Variants in SORCS3 observed in about 807,000 individuals in gnomAD.
SORCS3 encodes VPS10 domain-containing receptor SorCS3.
In SORCS3, 57 loss-of-function variants were observed where a neutral mutation model predicts 146.3. The observed-to-expected ratio is 0.39, with a 90% CI of 0.31 to 0.49. SORCS3 has a LOEUF of 0.49. Among genes scored for constraint, SORCS3 ranks in the 20% least tolerant of loss-of-function variants. The pLI is 0.92. For synonymous variants in SORCS3, 653 were observed against 618.5 expected (o/e 1.06, Z -0.83); for missense variants, 1,341 against 1,575.5 (o/e 0.85, Z 2.52).
At chr10:105,237,578 C>A (rs955980837) in intron 20 of SORCS3, among the ~76,000 whole-genome samples, 1 of 152,162 alleles carries the variant, frequency 6.6e-6, no homozygotes, top group Admixed American at 6.5e-5. Context: ...ATGCCAGAAA[C>A]ACATCAAGAT....
At chr10:104,644,684 G>A (rs1049268355) in intron 1 of SORCS3, among the ~76,000 whole-genome samples, 1 of 152,186 alleles carries the variant, frequency 6.6e-6, no homozygotes, top group African/African-American at 2.4e-5. Flanking sequence ...CGTGGAAAGA[G>A]AATTTTATCT....
chr10:105,217,793 T>C (rs2056674126), intron 19 of SORCS3: 4 of 454,074 alleles, frequency 8.8e-6, no homozygotes, highest in South Asian at 4.7e-5. Flanking sequence ...GTGTATTTTC[T>C]ATTCTAGAAT....
At chr10:104,792,339 C>G (rs1396313047) in intron 1 of SORCS3, among the ~76,000 whole-genome samples, 1 of 152,162 alleles carries the variant, frequency 6.6e-6, no homozygotes, top group Non-Finnish European at 1.5e-5. Flanking sequence ...CCACACTAAC[C>G]TGGCTCACTG....
At chr10:104,815,732 G>A (rs919054150) in intron 1 of SORCS3, among the ~76,000 whole-genome samples, 4 of 152,010 alleles carry the variant, frequency 2.6e-5, no homozygotes, top group Admixed American at 2.0e-4. Context: ...TTTTCATGAT[G>A]CATTTAACTT....
chr10:104,972,928 C>G lies in SORCS3; in HGVS notation c.796-4407C>G, dbSNP rs569296127. ...AAGGGTTGTTGAATTTTGTCAAAGG[C>G]CTTTTCTGCATCTATTGAGATAATC... On this transcript the variant is annotated intron_variant, in intron 3 of 26. Transcript: ENST00000369701. Among the ~76,000 whole-genome samples the G allele has an allele frequency of 4.6e-5, 7 of 152,148 alleles. No individual in the cohort carries two copies. In the East Asian group the frequency reaches 5.8e-4, roughly 13 times the overall value.
At chr10:105,228,810 T>A (rs2056750020) in intron 20 of SORCS3, among the ~76,000 whole-genome samples, 1 of 152,224 alleles carries the variant, frequency 6.6e-6, no homozygotes, top group Non-Finnish European at 1.5e-5. Flanking sequence ...AGAGTTTGAC[T>A]ATAATGTGGC....
intron 3 of SORCS3, among the ~76,000 whole-genome samples, chr10:104,948,853 A>T (rs995976428): frequency 6.6e-6 from 1 of 152,134 alleles, no homozygotes; most frequent in Non-Finnish European, 1.5e-5. Context: ...ATTATAGGTC[A>T]CTGTTCTCCC....
chr10:104,976,300 A>C (rs1204938142), intron 3 of SORCS3, among the ~76,000 whole-genome samples: 2 of 152,238 alleles, frequency 1.3e-5, no homozygotes, highest in East Asian at 1.9e-4. Context: ...GCCAAAAAAC[A>C]CATGAAAAAA....
At chr10:104,893,965 T>C (rs890776199) in intron 2 of SORCS3, among the ~76,000 whole-genome samples, 1 of 152,208 alleles carries the variant, frequency 6.6e-6, no homozygotes, top group African/African-American at 2.4e-5. Flanking sequence ...ATTTCATTGT[T>C]TAGCTATGTC....
intron 5 of SORCS3, among the ~76,000 whole-genome samples, chr10:105,053,189 AG>A (rs2055424391): frequency 6.6e-6 from 1 of 152,114 alleles, no homozygotes; most frequent in Admixed American, 6.6e-5. Context: ...CACTTCCCAA[AG>A]GCCTTATCTT....
chr10:105,139,158 G>T (rs957793196), intron 7 of SORCS3, among the ~76,000 whole-genome samples: 5 of 152,244 alleles, frequency 3.3e-5, no homozygotes, highest in African/African-American at 1.2e-4. Context: ...GTCAGTCTCT[G>T]TTCTGAGGGA....
intron 17 of SORCS3, 63 bp from the exon 18 acceptor site, chr10:105,214,379 C>CACACAT (rs2119648642): frequency 3.2e-6 from 5 of 1,568,512 alleles, no homozygotes; most frequent in Non-Finnish European, 4.4e-6. Flanking sequence ...CACACACACA[C>CACACAT]ACATACAACA....
chr10:104,839,637 G>A (rs954048160), intron 1 of SORCS3, among the ~76,000 whole-genome samples: 4 of 152,152 alleles, frequency 2.6e-5, no homozygotes, highest in East Asian at 1.9e-4. Context: ...AGCCAGTAAA[G>A]GTTTCTGATC....
intron 1 of SORCS3, among the ~76,000 whole-genome samples, chr10:104,660,203 G>A (rs146868132): frequency 6.6e-4 from 100 of 152,294 alleles, no homozygotes; most frequent in African/African-American, 2.1e-3. Context: ...GCTGCACATC[G>A]CTGTGTCTTA....
chr10:104,663,262 G>A (rs528035447), intron 1 of SORCS3, among the ~76,000 whole-genome samples: 15 of 152,264 alleles, frequency 9.9e-5, no homozygotes, highest in African/African-American at 1.4e-4. Flanking sequence ...CACAAACTCC[G>A]TAACAACTGC....
chr10:104,957,557 A>T (rs1173212954), intron 3 of SORCS3, among the ~76,000 whole-genome samples: 1 of 150,122 alleles, frequency 6.7e-6, no homozygotes, highest in Non-Finnish European at 1.5e-5. Flanking sequence ...GAAAGAAAAC[A>T]CACACACACA....
At position 105,056,699 on chromosome 10, in the gene SORCS3, T is replaced by G. The variant is rs974555888; in HGVS notation, c.1028+13571T>G. Among the ~76,000 whole-genome samples the G allele has an allele frequency of 3.9e-5, 6 of 152,228 alleles. 1 individual carries two copies. In the South Asian group the frequency reaches 1.2e-3, roughly 31 times the overall value. On this transcript the variant is annotated intron_variant, in intron 5 of 26. Transcript: ENST00000369701. ...TAAAGCATCCTGATCTCAAGTTCCA[T>G]TCTCTGGTGAAAAATTATACAGTTG...
intron 1 of SORCS3, among the ~76,000 whole-genome samples, chr10:104,717,060 A>G (rs928972484): frequency 1.3e-5 from 2 of 152,218 alleles, no homozygotes; most frequent in African/African-American, 4.8e-5. Flanking sequence ...AGGCCAAGGC[A>G]GAAGAATATC....
rs35376112 is a variant in SORCS3 at position 104,872,566 on chromosome 10, ATT to A, written c.695+29721_695+29722del. On this transcript the variant is annotated intron_variant, in intron 2 of 26. Transcript: ENST00000369701. ...ATGGGACCTAGGGATCCTCATTTTG[ATT>A]TTTTTTTTTTTTTGCAAACATCCCA... Among the ~76,000 whole-genome samples, 36 of 142,974 alleles carry A rather than the reference ATT, an allele frequency of 2.5e-4. No individual in the cohort carries two copies. In the South Asian group the frequency reaches 2.7e-3, roughly 11 times the overall value. 93.8% of individuals were successfully genotyped at this position (142,974 alleles called of 152,430 possible).
Sources: allele counts gnomAD v4.1 joint callset (sites outside exome capture counted in the v4.1 genomes callset), GRCh38; gene constraint gnomAD v4.1.1; transcripts MANE v1.5; gene names NCBI Gene and HGNC (gene_info 2026-07-23, HGNC 2026-07-21).